LHFPL3: variants seen among roughly 807,000 people sequenced by gnomAD.
The protein encoded by LHFPL3 is LHFPL tetraspan subfamily member 3 protein.
A neutral mutation model predicts 19.3 loss-of-function variants in LHFPL3; 5 were observed. The ratio of observed to expected loss-of-function variants is 0.26; its 90% CI spans 0.14 to 0.54. The LOEUF (loss-of-function observed/expected upper bound fraction) is 0.54, where lower values mean the gene tolerates loss of function less well. Among genes scored for constraint, LHFPL3 ranks in the 20% least tolerant of loss-of-function variants. LHFPL3 has a pLI of 0.94. For synonymous variants in LHFPL3, 133 were observed against 126.2 expected (o/e 1.05, Z -0.36); for missense variants, 249 against 307.4 (o/e 0.81, Z 1.42).
intron 1 of LHFPL3, among the ~76,000 whole-genome samples, chr7:104,639,990 A>G (rs946720358): frequency 1.1e-4 from 17 of 152,208 alleles, no homozygotes; most frequent in Non-Finnish European, 2.1e-4. Context: ...CAGCATATAC[A>G]GTGCCAGCAT....
intron 1 of LHFPL3, among the ~76,000 whole-genome samples, chr7:104,482,820 C>T (rs2073792): frequency 0.27 from 40,934 of 152,128 alleles, 6,489 homozygotes; most frequent in Non-Finnish European, 0.37. Context: ...TGGCAGCTCC[C>T]GGGCTGGCTG....
At chr7:104,350,650 G>A (rs1028585923) in intron 1 of LHFPL3, among the ~76,000 whole-genome samples, 2 of 152,164 alleles carry the variant, frequency 1.3e-5, no homozygotes, top group African/African-American at 2.4e-5. Flanking sequence ...CTTATGTTCC[G>A]CTGGGGACTG....
intron 1 of LHFPL3, among the ~76,000 whole-genome samples, chr7:104,457,635 T>C (rs1259509511): frequency 1.3e-5 from 2 of 148,554 alleles, no homozygotes; most frequent in African/African-American, 2.5e-5. Context: ...TACCCAGTAA[T>C]GGGATGGCTG....
At chr7:104,623,054 G>T in intron 1 of LHFPL3, 1 of 338,886 alleles carries the variant, frequency 3.0e-6, no homozygotes, top group Non-Finnish European at 6.1e-6. Context: ...ATCTTTTCAT[G>T]TATTCATTAT....
chr7:104,832,312 T>G (rs1266719875), intron 2 of LHFPL3, among the ~76,000 whole-genome samples: 1 of 151,918 alleles, frequency 6.6e-6, no homozygotes, highest in African/African-American at 2.4e-5. Context: ...CTATTAAACA[T>G]AAAGAAAACA....
Position 104,383,079 on chromosome 7 carries a change from T to C in LHFPL3, c.445+53855T>C, listed in dbSNP as rs117903334. ...AGTCTATTTCTACAGCTCATTTTCC[T>C]GGCCACCATGCCGTAACAGCCTTGT... On this transcript the variant is annotated intron_variant, in intron 1 of 2. Coordinates refer to ENST00000424859, the MANE Select transcript of LHFPL3 (RefSeq NM_199000.3). 9.2e-3 allele frequency among the ~76,000 whole-genome samples: 1,408 copies of C among 152,360 alleles called. 7 individuals are homozygous for C. The highest frequency in any genetic ancestry group is 0.027 in the Middle Eastern group (8 of 294).
intron 1 of LHFPL3, among the ~76,000 whole-genome samples, chr7:104,357,432 T>A (rs528510165): frequency 6.6e-6 from 1 of 152,174 alleles, no homozygotes; most frequent in Non-Finnish European, 1.5e-5. Flanking sequence ...TCTGGGTAAA[T>A]GATTGTCTAA....
chr7:104,829,880 G>A (rs956103691), intron 2 of LHFPL3, among the ~76,000 whole-genome samples: 1 of 151,880 alleles, frequency 6.6e-6, no homozygotes, highest in Admixed American at 6.5e-5. Flanking sequence ...GGTATTTCTA[G>A]TTCTAGATCC....
chr7:104,478,571 C>T (rs1793070590), intron 1 of LHFPL3, among the ~76,000 whole-genome samples: 1 of 152,186 alleles, frequency 6.6e-6, no homozygotes, highest in African/African-American at 2.4e-5. Context: ...TGGCCAGTGG[C>T]TTATCCTTTC....
intron 2 of LHFPL3, among the ~76,000 whole-genome samples, chr7:104,871,302 CAT>C (rs1483809765): frequency 1.3e-5 from 2 of 152,108 alleles, no homozygotes; most frequent in Admixed American, 1.3e-4. Context: ...TGTATCTAAA[CAT>C]AGAAAAGGTA....
intron 1 of LHFPL3, among the ~76,000 whole-genome samples, chr7:104,594,444 A>G (rs935192005): frequency 1.3e-5 from 2 of 152,114 alleles, no homozygotes; most frequent in African/African-American, 2.4e-5. Flanking sequence ...GGGTAACTCA[A>G]CCTTTCTCTC....
At position 104,820,062 on chromosome 7, in the gene LHFPL3, C is replaced by T. The variant is rs538814138; in HGVS notation, c.682+83151C>T. 2.6e-5 allele frequency among the ~76,000 whole-genome samples: 4 copies of T among 152,296 alleles called. No homozygotes were observed. The South Asian group carries it at 8.3e-4, about 32-fold the overall frequency. ...CATGATTATATTATTGCAGAAATCT[C>T]TCCAGGAAAATTGAACTCATCAGGA... On this transcript the variant is annotated intron_variant, in intron 2 of 2. Coordinates refer to ENST00000424859, the MANE Select transcript of LHFPL3 (RefSeq NM_199000.3).
intron 1 of LHFPL3, among the ~76,000 whole-genome samples, chr7:104,541,777 T>G (rs1284626629): frequency 6.6e-6 from 1 of 152,124 alleles, no homozygotes; most frequent in Non-Finnish European, 1.5e-5. Context: ...TCTCTACATT[T>G]GAGAGTCATC....
At chr7:104,381,813 T>C (rs73179907) in intron 1 of LHFPL3, among the ~76,000 whole-genome samples, 10,120 of 152,278 alleles carry the variant, frequency 0.066, 362 homozygotes, top group Middle Eastern at 0.099. Flanking sequence ...TTTTAAAATA[T>C]CCTGTTTATT....
intron 2 of LHFPL3, among the ~76,000 whole-genome samples, chr7:104,880,419 G>T (rs1246943602): frequency 6.6e-6 from 1 of 152,042 alleles, no homozygotes; most frequent in Non-Finnish European, 1.5e-5. Flanking sequence ...ATCTCTTTCT[G>T]CATAAATTAC....
chr7:104,625,413 A>G (rs1317851411), intron 1 of LHFPL3, among the ~76,000 whole-genome samples: 3 of 152,220 alleles, frequency 2.0e-5, no homozygotes, highest in Non-Finnish European at 2.9e-5. Flanking sequence ...TCAGTTCCAC[A>G]ATATTGGAGA....
chr7:104,365,797 A>AAAGAAAGAAAG (rs1554381867), intron 1 of LHFPL3, among the ~76,000 whole-genome samples: 13 of 125,968 alleles, frequency 1.0e-4, no homozygotes, highest in Admixed American at 1.9e-4. Flanking sequence ...CAAAAAAAAA[A>AAAGAAAGAAAG]AAAAAAAAGA....
At chr7:104,384,999 A>C (rs1790909189) in intron 1 of LHFPL3, among the ~76,000 whole-genome samples, 1 of 152,022 alleles carries the variant, frequency 6.6e-6, no homozygotes, top group African/African-American at 2.4e-5. Flanking sequence ...AATCCTATGG[A>C]TTCCCCAATC....
intron 1 of LHFPL3, among the ~76,000 whole-genome samples, chr7:104,661,312 G>T (rs762705392): frequency 1.3e-5 from 2 of 152,138 alleles, no homozygotes; most frequent in Non-Finnish European, 2.9e-5. Flanking sequence ...CTACCCATGT[G>T]CCCTCTTTCT....
Sources: gnomAD v4.1 joint callset for allele counts (sites outside exome capture counted in the v4.1 genomes callset) on GRCh38, gnomAD v4.1.1 for gene constraint, MANE v1.5 for transcripts, NCBI Gene and HGNC (gene_info 2026-07-23, HGNC 2026-07-21) for gene names.